The following ITFG2 variants were observed in gnomAD, a reference collection of about 807,000 sequenced individuals.
The protein encoded by ITFG2 is integrin alpha FG-GAP repeat containing 2.
ITFG2 carries 36 observed loss-of-function variants against 54.4 expected under a neutral mutation model. The ratio of observed to expected loss-of-function variants is 0.66; its 90% CI spans 0.51 to 0.87. ITFG2 has a LOEUF of 0.87. ITFG2 is among the 40% of genes least tolerant of loss of function. The probability of loss-of-function intolerance (pLI) is 0.00; values close to 1 mark genes in which losing one functional copy is unlikely to be tolerated. For missense variants in ITFG2, 524 were observed against 576.7 expected, an observed-to-expected ratio of 0.91 and a Z score of 0.94; for synonymous variants, 211 against 225.4, an observed-to-expected ratio of 0.94 and a Z score of 0.57.
At chr12:2,815,716 C>A (rs2097919743) in intron 1 of ITFG2, among the ~76,000 whole-genome samples, 1 of 152,206 alleles carries the variant, frequency 6.6e-6, no homozygotes, top group African/African-American at 2.4e-5. Context: ...CATGTGTAAC[C>A]TAGAGCTGTT....
rs542946944 is a variant in ITFG2 at position 2,843,737 on chromosome 12, C to T, written n.300+2742C>T. On this transcript the variant is annotated intron_variant and non_coding_transcript_variant, in intron 2 of 3. Transcript: ENST00000537710. ...CTGAGGCAGAAGAATCACTTGAACCCGGGAGGTGGAGGTTGCAGTGAGCTG... is the reference window on the plus strand; with the variant it reads ...CTGAGGCAGAAGAATCACTTGAACCTGGGAGGTGGAGGTTGCAGTGAGCTG... Among the ~76,000 whole-genome samples the T allele has an allele frequency of 4.0e-5, 6 of 151,848 alleles. No individual in the cohort carries two copies. The East Asian group carries it at 5.9e-4, about 15-fold the overall frequency.
chr12:2,834,923 T>G (rs2098021085), upstream of ITFG2: 2 of 1,612,320 alleles, frequency 1.2e-6, no homozygotes, highest in African/African-American at 2.7e-5. Context: ...TGTCCCGTGC[T>G]GCAGCTCTCT....
At chr12:2,852,924 C>G (rs746434245) in intron 2 of ITFG2, among the ~76,000 whole-genome samples, 2 of 151,878 alleles carry the variant, frequency 1.3e-5, no homozygotes, top group Admixed American at 6.6e-5. Flanking sequence ...GGTTTGAACC[C>G]AGGAGGCGGA....
chr12:2,850,902 C>A (rs1425645473), intron 2 of ITFG2, among the ~76,000 whole-genome samples: 1 of 151,710 alleles, frequency 6.6e-6, no homozygotes, highest in Non-Finnish European at 1.5e-5. Context: ...GAACTCTTGA[C>A]CTCAAGTGAT....
Position 2,851,724 on chromosome 12 carries a change from G to C in ITFG2, n.301-6288G>C, listed in dbSNP as rs990026314. ...GATGTAGTCTTGATCTGTCACCCAG[G>C]CTGGAATGCAGTGGCGTGATCTCAG... On this transcript the variant is annotated intron_variant and non_coding_transcript_variant, in intron 2 of 3. Coordinates refer to the ITFG2 transcript ENST00000537710. 1.3e-4 allele frequency among the ~76,000 whole-genome samples: 20 copies of C among 151,138 alleles called. No homozygotes were observed. The Middle Eastern group carries it at 0.011, about 80-fold the overall frequency.
In ITFG2 at chr12:2,859,455, G is replaced by A; in HGVS notation, n.621-79G>A. The stretch of plus-strand genomic sequence containing the variant: ...GTGAGATGATTCCTCTTTGAAAGAT[G>A]GGGCCGGGGAGGGCCACTCTTCCAA... On this transcript the variant is annotated intron_variant and non_coding_transcript_variant, in intron 3 of 3. Transcript: ENST00000537710. The A allele has an allele frequency of 6.2e-7, 1 of 1,613,974 alleles. No homozygotes were observed. The highest frequency in any genetic ancestry group is 1.7e-5 in the Admixed American group (1 of 60,016).
intron 2 of ITFG2, among the ~76,000 whole-genome samples, chr12:2,841,237 C>A (rs1370339923): frequency 1.3e-5 from 2 of 152,250 alleles, no homozygotes; most frequent in East Asian, 1.9e-4. Context: ...CTCAGTCACC[C>A]TGGCATAGTG....
intron 2 of ITFG2, among the ~76,000 whole-genome samples, chr12:2,842,120 C>CT (rs71057841): frequency 0.78 from 84,279 of 108,392 alleles, 35,299 homozygotes; most frequent in Non-Finnish European, 0.86. Flanking sequence ...TCACTTGTTT[C>CT]TTTTTTTTTT....
At chr12:2,812,939 C>T (rs2097912658) in intron 1 of ITFG2, 83 bp downstream of exon 1, 1 of 1,215,652 alleles carries the variant, frequency 8.2e-7, no homozygotes. Flanking sequence ...CCCGAGCGTG[C>T]CACGTGAGCG....
chr12:2,831,470 G>A (rs1026710623), downstream of ITFG2, among the ~76,000 whole-genome samples: 1 of 151,986 alleles, frequency 6.6e-6, no homozygotes, highest in African/African-American at 2.4e-5. Context: ...TGTAGTCCCA[G>A]CTACTCGGGA....
At chr12:2,826,583 G>A (rs976400429), downstream of ITFG2, 5 of 152,780 alleles carry the variant, frequency 3.3e-5, no homozygotes, top group African/African-American at 1.2e-4. Context: ...TCAGACATTT[G>A]CAGCCACAGG....
chr12:2,835,040 C>T (rs2098021885), upstream of ITFG2: 7 of 1,468,588 alleles, frequency 4.8e-6, no homozygotes, highest in Admixed American at 2.6e-5. Flanking sequence ...GGGAGTGAGA[C>T]TCCGGCTGGA....
rs752262087 is a variant in ITFG2, at chr12:2,843,798, G to A, written n.300+2803G>A. ...ACTGCACTCCAGCCTGGGTGACAGA[G>A]CGAGACTCCATCTCAAAAAAAAAAA... On this transcript the variant is annotated intron_variant and non_coding_transcript_variant, in intron 2 of 3. Transcript: ENST00000537710. Among the ~76,000 whole-genome samples the A allele has an allele frequency of 7.4e-5, 11 of 149,384 alleles. 1 individual carries two copies. Among genetic ancestry groups the A allele is most frequent in the Non-Finnish European group, 1.0e-4 (7 of 67,762 alleles).
intron 2 of ITFG2, chr12:2,849,007 G>T: frequency 1.8e-6 from 1 of 545,936 alleles, no homozygotes; most frequent in Non-Finnish European, 3.2e-6. Flanking sequence ...TCCCACCTTC[G>T]ATGAGAGTCC....
chr12:2,813,369 A>AGTGGTG (rs899454887), intron 1 of ITFG2, among the ~76,000 whole-genome samples: 2 of 152,132 alleles, frequency 1.3e-5, no homozygotes, highest in Non-Finnish European at 2.9e-5. Context: ...CTTAAGTGTT[A>AGTGGTG]GTGGTGGTGG....
At chr12:2,841,489 C>G (rs1196738403) in intron 2 of ITFG2, among the ~76,000 whole-genome samples, 1 of 152,148 alleles carries the variant, frequency 6.6e-6, no homozygotes, top group Non-Finnish European at 1.5e-5. Context: ...AAAACCAGAC[C>G]ACACCTTGCA....
At chr12:2,817,359 C>A in intron 2 of ITFG2, 41 bp downstream of exon 2, 1 of 1,447,324 alleles carries the variant, frequency 6.9e-7, no homozygotes, top group Non-Finnish European at 9.7e-7. Context: ...GGGAAGGGAT[C>A]CCTTCTGTCC....
rs573608051 is a variant in ITFG2, at chr12:2,845,971, G to C, written n.300+4976G>C. ...CCTGCCTCAGCCTCCCAAGTAGCTG[G>C]GACTACAGGTGCACACCACTGCACC... On this transcript the variant is annotated intron_variant and non_coding_transcript_variant, in intron 2 of 3. Coordinates refer to the ITFG2 transcript ENST00000537710. This position sits in a 1 kb window ranked among gnomAD's most constrained non-coding sequence, Gnocchi z 4.2. Among the ~76,000 whole-genome samples, 2 of 152,238 alleles carry C rather than the reference G, an allele frequency of 1.3e-5. No homozygotes were observed. Among genetic ancestry groups the C allele is most frequent in the East Asian group, 3.9e-4 (2 of 5,170 alleles).
intron 2 of ITFG2, among the ~76,000 whole-genome samples, chr12:2,847,687 C>A (rs1030775571): frequency 4.7e-5 from 7 of 150,164 alleles, no homozygotes; most frequent in African/African-American, 1.5e-4. Flanking sequence ...AAAAGCCCCC[C>A]AAAAAAATCA....
Sources: gnomAD v4.1 joint callset for allele counts (sites outside exome capture counted in the v4.1 genomes callset) on GRCh38, gnomAD v4.1.1 for gene constraint, Gnocchi (gnomAD v3.1) non-coding constraint, MANE v1.5 for transcripts, NCBI Gene and HGNC (gene_info 2026-07-23, HGNC 2026-07-21) for gene names.